The following AP2B1 variants were observed in gnomAD, a reference collection of about 807,000 sequenced individuals.
The protein encoded by AP2B1 is AP-2 complex subunit beta.
Under a neutral mutation model 102.0 loss-of-function variants are expected in AP2B1, and 23 were observed. The ratio of observed to expected loss-of-function variants is 0.23; its 90% CI spans 0.16 to 0.32. The LOEUF is 0.32. Ranked by LOEUF, AP2B1 falls within the 10% of genes least tolerant of loss-of-function variation. The probability of loss-of-function intolerance (pLI) is 1.00; values close to 1 mark genes in which losing one functional copy is unlikely to be tolerated. For synonymous variants in AP2B1, 381 were observed against 421.2 expected (o/e 0.90, Z 1.17); for missense variants, 541 against 1,157.4 (o/e 0.47, Z 7.73).
chr17:35,682,422 A>G (rs370446203), intron 17 of AP2B1, among the ~76,000 whole-genome samples: 2 of 146,272 alleles, frequency 1.4e-5, no homozygotes, highest in East Asian at 2.0e-4. Context: ...GGCTCACTAC[A>G]ACCTCCGCCT....
intron 3 of AP2B1, among the ~76,000 whole-genome samples, chr17:35,599,147 A>G (rs1257086119): frequency 6.6e-6 from 1 of 152,266 alleles, no homozygotes; most frequent in Non-Finnish European, 1.5e-5. Context: ...TGTTTGATGA[A>G]ATAGGGATTA....
intron 18 of AP2B1, among the ~76,000 whole-genome samples, chr17:35,686,778 C>CA (rs1408760992): frequency 6.6e-6 from 1 of 152,054 alleles, no homozygotes; most frequent in Non-Finnish European, 1.5e-5. Context: ...TCCTGGCTAA[C>CA]ACGGTGAAAC....
chr17:35,647,483 C>A (rs954557963), intron 12 of AP2B1, among the ~76,000 whole-genome samples: 2 of 151,868 alleles, frequency 1.3e-5, no homozygotes, highest in African/African-American at 4.8e-5. Context: ...ATACTAGAGA[C>A]ATTTTGATAA....
intron 13 of AP2B1, among the ~76,000 whole-genome samples, chr17:35,654,867 C>T (rs1460057528): frequency 6.6e-6 from 1 of 151,830 alleles, no homozygotes; most frequent in Non-Finnish European, 1.5e-5. Context: ...AAGGTTATTG[C>T]CTGACCTTTG....
At chr17:35,711,354 C>G (rs1173958588) in intron 20 of AP2B1, among the ~76,000 whole-genome samples, 6 of 151,896 alleles carry the variant, frequency 4.0e-5, no homozygotes, top group Non-Finnish European at 5.9e-5. Flanking sequence ...TGCCATCCTC[C>G]CATTGCAGCT....
At chr17:35,669,155 T>C (rs1002448989) in intron 14 of AP2B1, among the ~76,000 whole-genome samples, 10 of 151,756 alleles carry the variant, frequency 6.6e-5, no homozygotes, top group Non-Finnish European at 1.2e-4. Context: ...TTTTTTTTTT[T>C]TTTCCGAGAT....
chr17:35,599,366 A>T (rs188404236), intron 3 of AP2B1, among the ~76,000 whole-genome samples: 10 of 152,362 alleles, frequency 6.6e-5, no homozygotes, highest in African/African-American at 2.2e-4. Context: ...TTGACAATGG[A>T]TACGTTTCAG....
chr17:35,605,804 A>G lies in AP2B1; in HGVS notation c.243A>G (p.Pro81=), dbSNP rs1331913377. ...LYLMNYAKSQ[P]DMAIMAVNSF... is the part of the protein sequence containing the mutation. ...TGATGAACTACGCCAAGAGTCAGCC[A>G]GACATGGCCATCATGGCTGTAAACA... Residue 81 remains proline, a synonymous_variant, in exon 4 of 22, where the codon CCA becomes CCG. Transcript: ENST00000610402. 1.9e-6 allele frequency: 3 copies of G among 1,614,034 alleles called. No individual in the cohort carries two copies. The Admixed American group carries it at 5.0e-5, about 27-fold the overall frequency.
intron 13 of AP2B1, 119 bp from the exon 14 acceptor site, chr17:35,657,479 GT>G: frequency 1.5e-6 from 1 of 675,284 alleles, no homozygotes; most frequent in African/African-American, 1.8e-5. Context: ...AAATCAGAGA[GT>G]TTTTCCCCCT....
intron 6 of AP2B1, among the ~76,000 whole-genome samples, chr17:35,626,206 T>C (rs2074310983): frequency 6.6e-6 from 1 of 152,244 alleles, no homozygotes; most frequent in African/African-American, 2.4e-5. Context: ...TTGCTGTCTC[T>C]TCCTATGAAA....
chr17:35,621,229 C>T, intron 5 of AP2B1: 1 of 776,604 alleles, frequency 1.3e-6, no homozygotes. Flanking sequence ...ACTCTCTAGC[C>T]ACCCAGTTGC....
At chr17:35,609,759 G>A (rs576285233) in intron 5 of AP2B1, among the ~76,000 whole-genome samples, 1 of 152,276 alleles carries the variant, frequency 6.6e-6, no homozygotes, top group African/African-American at 2.4e-5. Flanking sequence ...TGCTTGGCCT[G>A]AATATTTTCT....
At chr17:35,599,241 AT>A (rs2073396788) in intron 3 of AP2B1, among the ~76,000 whole-genome samples, 1 of 152,232 alleles carries the variant, frequency 6.6e-6, no homozygotes, top group Non-Finnish European at 1.5e-5. Flanking sequence ...TGCAAACACC[AT>A]TTTTATGTGA....
At chr17:35,680,687 T>TTTTGG (rs1555576180) in intron 17 of AP2B1, among the ~76,000 whole-genome samples, 44 of 49,650 alleles carry the variant, frequency 8.9e-4, no homozygotes, top group African/African-American at 4.3e-3. Flanking sequence ...ATGGTTTTGG[T>TTTTGG]TTTTTTTTTT....
chr17:35,643,206 CAT>C (rs1459497758), intron 12 of AP2B1, among the ~76,000 whole-genome samples: 2 of 151,992 alleles, frequency 1.3e-5, no homozygotes, highest in East Asian at 3.9e-4. Context: ...AAAAGAATCT[CAT>C]AATGTTTTAA....
At chr17:35,659,126 C>T (rs2142889667) in intron 14 of AP2B1, among the ~76,000 whole-genome samples, 1 of 152,258 alleles carries the variant, frequency 6.6e-6, no homozygotes, top group South Asian at 2.1e-4. Context: ...CTTATAGACT[C>T]CGGAGAGTGA....
At chr17:35,600,966 A>AT in intron 3 of AP2B1, 1 of 983,634 alleles carries the variant, frequency 1.0e-6, no homozygotes. Context: ...AATTTTTGTT[A>AT]TTTTTCTTTT....
At chr17:35,621,821 TTC>T (rs1432966755) in intron 5 of AP2B1, among the ~76,000 whole-genome samples, 1 of 152,220 alleles carries the variant, frequency 6.6e-6, no homozygotes, top group African/African-American at 2.4e-5. Flanking sequence ...TTCTCTCGTT[TTC>T]TTTGTCTATA....
At chr17:35,614,357 T>G (rs2073952022) in intron 5 of AP2B1, among the ~76,000 whole-genome samples, 1 of 152,046 alleles carries the variant, frequency 6.6e-6, no homozygotes, top group South Asian at 2.1e-4. Context: ...GCTAATTTAT[T>G]TTATTTTATT....
Sources: allele counts gnomAD v4.1 joint callset (sites outside exome capture counted in the v4.1 genomes callset), GRCh38; gene constraint gnomAD v4.1.1; transcripts MANE v1.5; gene names NCBI Gene and HGNC (gene_info 2026-07-23, HGNC 2026-07-21).